LRRC4C: variants seen among roughly 807,000 people sequenced by gnomAD.
The protein encoded by LRRC4C is leucine rich repeat containing 4C.
LRRC4C carries 5 observed loss-of-function variants against 33.6 expected under a neutral mutation model. That is an observed-to-expected ratio of 0.15 (90% CI 0.08 to 0.31). The LOEUF is 0.31. Ranked by LOEUF, LRRC4C falls within the 10% of genes least tolerant of loss-of-function variation. The pLI, the probability that LRRC4C is intolerant of heterozygous loss-of-function variation, is 1.00. For missense variants in LRRC4C, 560 were observed against 796.7 expected (o/e 0.70, Z 3.58); for synonymous variants, 329 against 302.0 (o/e 1.09, Z -0.93).
intron 3 of LRRC4C, among the ~76,000 whole-genome samples, chr11:40,399,627 T>A (rs1949683005): frequency 6.6e-6 from 1 of 151,956 alleles, no homozygotes; most frequent in African/African-American, 2.4e-5. Flanking sequence ...GGCACATGTA[T>A]ACATATGTAA....
chr11:40,153,404 C>T (rs1473223139), intron 5 of LRRC4C, among the ~76,000 whole-genome samples: 1 of 152,090 alleles, frequency 6.6e-6, no homozygotes, highest in Non-Finnish European at 1.5e-5. Context: ...CTGAAAATCA[C>T]ACTAGTTCAC....
At chr11:41,160,380 TAAA>T (rs61443237) in intron 1 of LRRC4C, among the ~76,000 whole-genome samples, 3 of 132,642 alleles carry the variant, frequency 2.3e-5, no homozygotes, top group Admixed American at 7.8e-5. Flanking sequence ...ACCCTCTTTC[TAAA>T]AAAAAAAAAA....
In LRRC4C at chr11:40,485,516, TTG is replaced by T. The variant is rs1052451800; in HGVS notation, c.-270+162624_-270+162625del. Among the ~76,000 whole-genome samples the T allele has an allele frequency of 3.0e-4, 46 of 151,992 alleles. 1 individual carries two copies. The highest frequency in any genetic ancestry group is 2.8e-3 in the Admixed American group (42 of 15,226). ...CCATTTCAAGTCCCTAATGAACTCA[TTG>T]TTTCAGGAAAAAGATGGATGCTAAA... On this transcript the variant is annotated intron_variant, in intron 3 of 6. Coordinates refer to ENST00000528697, the MANE Select transcript of LRRC4C (RefSeq NM_001258419.2).
At chr11:40,756,937 A>G (rs1332908986) in intron 2 of LRRC4C, among the ~76,000 whole-genome samples, 1 of 151,380 alleles carries the variant, frequency 6.6e-6, no homozygotes, top group East Asian at 2.0e-4. Context: ...ATGTTTGGAG[A>G]GCAAAAGTGG....
chr11:41,288,551 A>G (rs1949901059), intron 1 of LRRC4C, among the ~76,000 whole-genome samples: 1 of 152,196 alleles, frequency 6.6e-6, no homozygotes, highest in African/African-American at 2.4e-5. Flanking sequence ...CCCAGAATAT[A>G]TCACACTTAG....
intron 1 of LRRC4C, among the ~76,000 whole-genome samples, chr11:41,385,502 A>T (rs1252952562): frequency 1.3e-5 from 2 of 151,672 alleles, no homozygotes; most frequent in Non-Finnish European, 3.0e-5. Context: ...TAAAAAACAC[A>T]TGCATAAATA....
chr11:41,409,483 T>G (rs1360148347), intron 1 of LRRC4C, among the ~76,000 whole-genome samples: 2 of 152,236 alleles, frequency 1.3e-5, no homozygotes, highest in Non-Finnish European at 2.9e-5. Flanking sequence ...TGAAATTGTC[T>G]TTTTTAATCC....
At chr11:40,931,655 G>A (rs566758330) in intron 2 of LRRC4C, among the ~76,000 whole-genome samples, 1 of 133,854 alleles carries the variant, frequency 7.5e-6, no homozygotes, top group African/African-American at 2.7e-5. Flanking sequence ...GGATAAAGGG[G>A]TGTGTATGTG....
chr11:41,359,181 G>A (rs1264222878), intron 1 of LRRC4C, among the ~76,000 whole-genome samples: 1 of 151,910 alleles, frequency 6.6e-6, no homozygotes, highest in African/African-American at 2.4e-5. Flanking sequence ...TTGTTGCCAG[G>A]AATTAGAGAG....
At chr11:40,715,543 G>A (rs1946661672) in intron 2 of LRRC4C, among the ~76,000 whole-genome samples, 2 of 152,178 alleles carry the variant, frequency 1.3e-5, no homozygotes, top group Admixed American at 6.5e-5. Flanking sequence ...GTATTCCTAA[G>A]TCCATATCCT....
intron 1 of LRRC4C, among the ~76,000 whole-genome samples, chr11:41,036,077 TAAA>T (rs5791413): frequency 6.6e-6 from 1 of 150,504 alleles, no homozygotes; most frequent in African/African-American, 2.4e-5. Context: ...GTTGTTTTTC[TAAA>T]AAAAAAACAT....
intron 5 of LRRC4C, among the ~76,000 whole-genome samples, chr11:40,235,447 T>C (rs1283694360): frequency 6.6e-6 from 1 of 152,182 alleles, no homozygotes; most frequent in African/African-American, 2.4e-5. Flanking sequence ...GAGGTCATAA[T>C]ATGTGTCTAA....
intron 3 of LRRC4C, among the ~76,000 whole-genome samples, chr11:40,346,262 C>A (rs1400173318): frequency 6.6e-6 from 1 of 152,136 alleles, no homozygotes; most frequent in Non-Finnish European, 1.5e-5. Flanking sequence ...ATGTTCATTG[C>A]ACCACTGTTC....
chr11:41,068,682 A>C (rs1938446045), intron 1 of LRRC4C, among the ~76,000 whole-genome samples: 1 of 152,092 alleles, frequency 6.6e-6, no homozygotes, highest in Non-Finnish European at 1.5e-5. Flanking sequence ...ACACCTTCAT[A>C]CACATACTTA....
At chr11:40,465,661 G>T (rs1952615535) in intron 3 of LRRC4C, among the ~76,000 whole-genome samples, 1 of 151,790 alleles carries the variant, frequency 6.6e-6, no homozygotes, top group Non-Finnish European at 1.5e-5. Context: ...ATTTTTAAAG[G>T]AAAATTTACA....
chr11:40,330,245 A>T (rs1946299073), intron 3 of LRRC4C, among the ~76,000 whole-genome samples: 1 of 152,162 alleles, frequency 6.6e-6, no homozygotes. Flanking sequence ...AGCTGGTAAA[A>T]CATTATTTCT....
rs115079729 is a variant in LRRC4C at position 40,651,392 on chromosome 11, A to T, written c.-406-3114T>A. On this transcript the variant is annotated intron_variant, in intron 2 of 6. Transcript: ENST00000528697. ...AGAGAGAGAGAAAGAGACAGAAAAAAGTCCTGAATTACATGGGAGAATGAA... is the reference window on the plus strand; with the variant it reads ...AGAGAGAGAGAAAGAGACAGAAAAATGTCCTGAATTACATGGGAGAATGAA... Among the ~76,000 whole-genome samples, 684 of 152,210 alleles carry T rather than the reference A, an allele frequency of 4.5e-3. 4 individuals are homozygous for T. The highest frequency in any genetic ancestry group is 0.016 in the African/African-American group (659 of 41,522).
At chr11:40,722,677 A>C (rs1947085123) in intron 2 of LRRC4C, among the ~76,000 whole-genome samples, 1 of 152,158 alleles carries the variant, frequency 6.6e-6, no homozygotes, top group African/African-American at 2.4e-5. Flanking sequence ...CAGTGCAAGA[A>C]CTCTAGAAAT....
intron 3 of LRRC4C, among the ~76,000 whole-genome samples, chr11:40,592,586 C>CT (rs1591212749): frequency 6.6e-6 from 1 of 152,086 alleles, no homozygotes; most frequent in East Asian, 1.9e-4. Context: ...AATGCCCTGC[C>CT]TTTTTTTGCA....
Sources: allele counts gnomAD v4.1 joint callset (sites outside exome capture counted in the v4.1 genomes callset), GRCh38; gene constraint gnomAD v4.1.1; transcripts MANE v1.5; gene names NCBI Gene and HGNC (gene_info 2026-07-23, HGNC 2026-07-21).